GABPB1: variants seen among roughly 807,000 people sequenced by gnomAD.
GABPB1 encodes GA-binding protein subunit beta-1.
GABPB1 carries 15 observed loss-of-function variants against 45.9 expected under a neutral mutation model. That is an observed-to-expected ratio of 0.33 (90% confidence interval 0.22 to 0.50). The LOEUF (loss-of-function observed/expected upper bound fraction) is 0.50. Ranked by LOEUF, GABPB1 falls within the 20% of genes least tolerant of loss-of-function variation. The probability of loss-of-function intolerance (pLI) is 0.98; values close to 1 mark genes in which losing one functional copy is unlikely to be tolerated. For missense variants in GABPB1, 252 were observed against 457.5 expected (o/e 0.55, Z 4.10); for synonymous variants, 143 against 154.4 (o/e 0.93, Z 0.55).
rs567962283 is a variant in GABPB1 at position 50,337,888 on chromosome 15, T to A, written c.-1+17097A>T. Among the ~76,000 whole-genome samples the A allele has an allele frequency of 2.6e-5, 4 of 152,364 alleles. No homozygotes were observed. The South Asian group carries it at 8.3e-4, about 32-fold the overall frequency. The stretch of plus-strand genomic sequence containing the variant: ...TTTATTTGCAAGTATGTGCTTTATC[T>A]GTGCTCCTCTTTTACTTAATTTTAG... On this transcript the variant is annotated intron_variant, in intron 1 of 8. Transcript: ENST00000380877.
intron 1 of GABPB1, among the ~76,000 whole-genome samples, chr15:50,328,096 T>G (rs543616892): frequency 3.9e-5 from 6 of 152,042 alleles, no homozygotes; most frequent in Non-Finnish European, 8.8e-5. Context: ...TATACAAATT[T>G]TCAAATATAG....
rs181629387 is a variant in GABPB1, at chr15:50,335,261, T to C, written c.-1+19724A>G. Among the ~76,000 whole-genome samples the C allele has an allele frequency of 4.0e-3, 605 of 152,310 alleles. 12 individuals carry two copies. Among genetic ancestry groups the C allele is most frequent in the Non-Finnish European group, 4.6e-3 (311 of 68,026 alleles). ...GAGGTAGGTGATGAAAAGCGGTTAG[T>C]TCTGGTTCATCCTTACCTCTCAGCT... On this transcript the variant is annotated intron_variant, in intron 1 of 8. Transcript: ENST00000380877.
At chr15:50,315,361 T>C (rs955316907) in intron 1 of GABPB1, among the ~76,000 whole-genome samples, 2 of 152,188 alleles carry the variant, frequency 1.3e-5, no homozygotes, top group Admixed American at 1.3e-4. Flanking sequence ...TGAACTCCTG[T>C]GCTCAAGCAA....
intron 2 of GABPB1, among the ~76,000 whole-genome samples, chr15:50,307,610 G>A (rs1310030113): frequency 6.6e-6 from 1 of 151,284 alleles, no homozygotes; most frequent in South Asian, 2.1e-4. Context: ...GCTGAGGCAG[G>A]AGAATCACTT....
rs2045873816 is a variant in GABPB1, at chr15:50,278,108, T to C, written c.*524A>G. On this transcript the variant is annotated 3_prime_UTR_variant, in exon 9 of 9. Transcript: ENST00000380877. The stretch of plus-strand genomic sequence containing the variant: ...GGGTATAGCTGAAATTGAACAAATA[T>C]AAAAATTTTGCTTTCTAAAAAATGT... 1.3e-5 allele frequency: 2 copies of C among 152,610 alleles called. No homozygotes were observed. The highest frequency in any genetic ancestry group is 2.1e-4 in the South Asian group (1 of 4,834). The allele number at this position is 152,610 out of a possible 1,614,324, so 9.5% of individuals were successfully genotyped here. A position where few individuals can be genotyped will look rare whatever the true frequency, so the allele number is the denominator to read the frequency against.
intron 1 of GABPB1, among the ~76,000 whole-genome samples, chr15:50,327,569 A>AC (rs1361314858): frequency 2.0e-5 from 3 of 152,202 alleles, no homozygotes; most frequent in Non-Finnish European, 4.4e-5. Flanking sequence ...CCCCACCAAT[A>AC]CAATCATTCT....
chr15:50,277,270 T>C lies in GABPB1; in HGVS notation c.*1362A>G, dbSNP rs1309002610. 2.6e-5 allele frequency: 4 copies of C among 152,192 alleles called. No individual in the cohort carries two copies. Among genetic ancestry groups the C allele is most frequent in the African/African-American group, 9.7e-5 (4 of 41,450 alleles). 9.4% of individuals were successfully genotyped at this position (152,192 alleles called of 1,614,324 possible). The stretch of plus-strand genomic sequence containing the variant: ...CTACAATGAACATATGTGAAAAAGA[T>C]ATTTAATTGCAAAATAGAAAAGTAG... On this transcript the variant is annotated 3_prime_UTR_variant, in exon 9 of 9. Transcript: ENST00000380877.
At chr15:50,340,048 A>G (rs2048294618) in intron 1 of GABPB1, among the ~76,000 whole-genome samples, 2 of 152,168 alleles carry the variant, frequency 1.3e-5, no homozygotes, top group Admixed American at 1.3e-4. Flanking sequence ...GGGGACTTTG[A>G]GTGATGATTA....
At chr15:50,352,309 G>GA (rs1001045386) in intron 1 of GABPB1, 3 of 148,568 alleles carry the variant, frequency 2.0e-5, no homozygotes, top group Non-Finnish European at 3.0e-5. Flanking sequence ...AATGTTATGG[G>GA]AAAAAACACA....
chr15:50,349,768 T>G (rs1595857392), intron 1 of GABPB1: 1 of 152,252 alleles, frequency 6.6e-6, no homozygotes, highest in Non-Finnish European at 1.5e-5. Flanking sequence ...ATTTCTCAGC[T>G]TATGCTAACA....
chr15:50,277,557 G>A lies in GABPB1; in HGVS notation c.*1075C>T, dbSNP rs754332012. 2.0e-5 allele frequency: 3 copies of A among 152,182 alleles called. No homozygotes were observed. The highest frequency in any genetic ancestry group is 6.6e-5 in the Admixed American group (1 of 15,264). The allele number at this position is 152,182 out of a possible 1,614,324, so 9.4% of individuals were successfully genotyped here. On this transcript the variant is annotated 3_prime_UTR_variant, in exon 9 of 9. Transcript: ENST00000380877. ...CACTGAGCTTTCAAAAGGAAAAGTA[G>A]AAGTTACATTAGACATGTCTATTGC...
intron 1 of GABPB1, among the ~76,000 whole-genome samples, chr15:50,312,894 CA>C (rs1174914117): frequency 6.6e-6 from 1 of 152,056 alleles, no homozygotes. Context: ...AGCGTTCTGA[CA>C]TATGTTCTGG....
chr15:50,340,567 AAAAAC>A (rs1408631963), intron 1 of GABPB1, among the ~76,000 whole-genome samples: 13 of 133,376 alleles, frequency 9.7e-5, no homozygotes, highest in African/African-American at 3.3e-4. Flanking sequence ...AAAAAAAAAA[AAAAAC>A]ATTACCACAT....
chr15:50,329,359 T>C (rs2047875250), intron 1 of GABPB1, among the ~76,000 whole-genome samples: 1 of 152,240 alleles, frequency 6.6e-6, no homozygotes, highest in Admixed American at 6.5e-5. Context: ...TTCAAAATTA[T>C]AGGTTTTGTG....
intron 8 of GABPB1, chr15:50,285,769 G>A: frequency 8.8e-7 from 1 of 1,136,032 alleles, no homozygotes; most frequent in Non-Finnish European, 1.1e-6. Flanking sequence ...TTAGTGACGT[G>A]TAAGAATGGT....
At chr15:50,312,062 T>C (rs2047146747) in intron 1 of GABPB1, among the ~76,000 whole-genome samples, 1 of 152,082 alleles carries the variant, frequency 6.6e-6, no homozygotes. Context: ...ATCTATATTA[T>C]GGCAAGGCGC....
At chr15:50,295,006 G>T (rs2046465088) in intron 6 of GABPB1, among the ~76,000 whole-genome samples, 1 of 152,082 alleles carries the variant, frequency 6.6e-6, no homozygotes, top group East Asian at 1.9e-4. Context: ...GTTGCTATAG[G>T]ACTACAGGCT....
At chr15:50,308,483 G>A (rs747757062) in intron 2 of GABPB1, among the ~76,000 whole-genome samples, 11 of 152,172 alleles carry the variant, frequency 7.2e-5, no homozygotes, top group Non-Finnish European at 1.2e-4. Flanking sequence ...GGCAAGGGCA[G>A]GAGCAGACAG....
chr15:50,324,679 G>C (rs533722814), intron 1 of GABPB1, among the ~76,000 whole-genome samples: 2 of 151,452 alleles, frequency 1.3e-5, no homozygotes, highest in African/African-American at 4.9e-5. Flanking sequence ...CAAGTAGCTC[G>C]GATTACAGGC....
Sources: allele counts gnomAD v4.1 joint callset (sites outside exome capture counted in the v4.1 genomes callset), GRCh38; gene constraint gnomAD v4.1.1; transcripts MANE v1.5; gene names NCBI Gene and HGNC (gene_info 2026-07-23, HGNC 2026-07-21).